The following SPOCK1 variants were observed in gnomAD, a reference collection of about 807,000 sequenced individuals.
SPOCK1 encodes SPARC (osteonectin), cwcv and kazal like domains proteoglycan 1, also known as testican-1.
In SPOCK1, 23 loss-of-function variants were observed where a neutral mutation model predicts 55.3. That is an observed-to-expected ratio of 0.42 (90% CI 0.30 to 0.59). The LOEUF (loss-of-function observed/expected upper bound fraction) is 0.59. SPOCK1 is among the 20% of genes least tolerant of loss of function. The pLI, the probability that SPOCK1 is intolerant of heterozygous loss-of-function variation, is 0.22. For missense variants in SPOCK1, 499 were observed against 552.5 expected (o/e 0.90, Z 0.97); for synonymous variants, 226 against 221.0 (o/e 1.02, Z -0.20).
chr5:137,420,851 T>C (rs1752476549), intron 2 of SPOCK1, among the ~76,000 whole-genome samples: 2 of 152,204 alleles, frequency 1.3e-5, no homozygotes, highest in South Asian at 4.1e-4. Flanking sequence ...TTTGAATGTG[T>C]TTGTTCTTGC....
At chr5:137,255,457 A>G (rs867331507) in intron 3 of SPOCK1, among the ~76,000 whole-genome samples, 3 of 152,214 alleles carry the variant, frequency 2.0e-5, no homozygotes, top group African/African-American at 4.8e-5. Context: ...CTTATACTCA[A>G]ATGTTTTTTC....
intron 2 of SPOCK1, among the ~76,000 whole-genome samples, chr5:137,321,694 T>C (rs920318187): frequency 1.3e-5 from 2 of 151,926 alleles, no homozygotes; most frequent in African/African-American, 4.8e-5. Context: ...TCCAAGATGG[T>C]GAAATCCTAT....
intron 2 of SPOCK1, among the ~76,000 whole-genome samples, chr5:137,278,256 A>G (rs1430644917): frequency 6.6e-6 from 1 of 152,178 alleles, no homozygotes; most frequent in Admixed American, 6.5e-5. Context: ...CCACTTACAC[A>G]GCAGACGCTC....
intron 2 of SPOCK1, among the ~76,000 whole-genome samples, chr5:137,380,717 G>A (rs116639820): frequency 0.017 from 2,550 of 152,134 alleles, 66 homozygotes; most frequent in African/African-American, 0.057. Context: ...AAGGAAACCC[G>A]CCCCTACAAT....
intron 6 of SPOCK1, among the ~76,000 whole-genome samples, chr5:137,034,950 G>A (rs1751853462): frequency 6.6e-6 from 1 of 152,166 alleles, no homozygotes; most frequent in African/African-American, 2.4e-5. Flanking sequence ...GTGTAGGCCT[G>A]CCCAGCCTTG....
chr5:136,985,867 T>C lies in SPOCK1; in HGVS notation c.929-665A>G, dbSNP rs77150145. ...AAATGAAAAGTGACCTCATTCATTC[T>C]TCAGAGTTTTACCATGATTTGCCTT... On this transcript the variant is annotated intron_variant, in intron 8 of 10. Transcript: ENST00000394945. Among the ~76,000 whole-genome samples, 811 of 152,318 alleles carry C rather than the reference T, an allele frequency of 5.3e-3. 5 individuals carry two copies. The highest frequency in any genetic ancestry group is 0.019 in the African/African-American group (782 of 41,556).
At chr5:137,037,732 T>C (rs1319886780) in intron 6 of SPOCK1, among the ~76,000 whole-genome samples, 1 of 152,130 alleles carries the variant, frequency 6.6e-6, no homozygotes, top group African/African-American at 2.4e-5. Flanking sequence ...TCCTGATACA[T>C]AAATACGCGT....
intron 2 of SPOCK1, among the ~76,000 whole-genome samples, chr5:137,417,635 A>T (rs1203063879): frequency 6.6e-6 from 1 of 152,146 alleles, no homozygotes; most frequent in African/African-American, 2.4e-5. Context: ...TAAAGTCTGT[A>T]CTTTTTGTAT....
intron 2 of SPOCK1, among the ~76,000 whole-genome samples, chr5:137,348,436 GC>G (rs1750606905): frequency 7.1e-6 from 1 of 140,664 alleles, no homozygotes; most frequent in Non-Finnish European, 1.5e-5. Flanking sequence ...CTTTACCAAA[GC>G]TAAACAAATT....
At position 137,277,312 on chromosome 5, in the gene SPOCK1, T is replaced by A. The variant is rs145674965; in HGVS notation, c.187-10257A>T. On this transcript the variant is annotated intron_variant, in intron 2 of 10. Coordinates refer to ENST00000394945, the MANE Select transcript of SPOCK1 (RefSeq NM_004598.4). ...TTACAGGCATGAGCTACTTTTGCAA[T>A]AATCATCTGAGACAAGCATCTCAGT... is the stretch of plus-strand genomic sequence containing the variant. Among the ~76,000 whole-genome samples the A allele has an allele frequency of 1.1e-3, 175 of 152,314 alleles. 2 individuals carry two copies. In the East Asian group the frequency reaches 0.032, roughly 28 times the overall value.
intron 2 of SPOCK1, among the ~76,000 whole-genome samples, chr5:137,327,512 G>A (rs1018553479): frequency 3.3e-5 from 5 of 152,168 alleles, no homozygotes; most frequent in Non-Finnish European, 5.9e-5. Context: ...CAGGGAAACT[G>A]AGATACCAGT....
chr5:137,432,736 TTTATG>T (rs1417310137), intron 2 of SPOCK1, among the ~76,000 whole-genome samples: 3 of 152,324 alleles, frequency 2.0e-5, no homozygotes, highest in African/African-American at 7.2e-5. Flanking sequence ...AATAGTGAAT[TTTATG>T]TTATATTTTA....
At chr5:137,130,825 G>T (rs1208806518) in intron 4 of SPOCK1, among the ~76,000 whole-genome samples, 1 of 152,148 alleles carries the variant, frequency 6.6e-6, no homozygotes, top group Non-Finnish European at 1.5e-5. Context: ...CAGCAACATT[G>T]GGTTCAATGT....
chr5:137,017,742 C>T (rs1751475249), intron 6 of SPOCK1, among the ~76,000 whole-genome samples: 1 of 152,120 alleles, frequency 6.6e-6, no homozygotes, highest in Non-Finnish European at 1.5e-5. Context: ...AAACAATTAA[C>T]AGTACCAATT....
At chr5:137,227,339 A>C (rs2127091379) in intron 3 of SPOCK1, among the ~76,000 whole-genome samples, 1 of 152,334 alleles carries the variant, frequency 6.6e-6, no homozygotes, top group South Asian at 2.1e-4. Context: ...AATCCATTTG[A>C]GGTACTACGT....
chr5:137,197,101 G>A (rs751632026), intron 3 of SPOCK1, among the ~76,000 whole-genome samples: 15 of 152,236 alleles, frequency 9.9e-5, no homozygotes, highest in Non-Finnish European at 2.2e-4. Context: ...TACACTCTTT[G>A]GATGACTGTG....
intron 2 of SPOCK1, among the ~76,000 whole-genome samples, chr5:137,430,962 A>C (rs1752731471): frequency 6.6e-6 from 1 of 152,158 alleles, no homozygotes. Context: ...CTTCTATGAA[A>C]GCTTTTGCTT....
intron 2 of SPOCK1, among the ~76,000 whole-genome samples, chr5:137,402,590 TG>T (rs1272781089): frequency 6.6e-6 from 1 of 152,200 alleles, no homozygotes; most frequent in African/African-American, 2.4e-5. Flanking sequence ...GTGTGAATGC[TG>T]GGGTTGCAAA....
chr5:136,980,207 CTG>C (rs1340815410), intron 9 of SPOCK1, among the ~76,000 whole-genome samples: 1 of 147,552 alleles, frequency 6.8e-6, no homozygotes. Context: ...AAGTGATAAA[CTG>C]GAGTTAATTT....
Sources: allele counts gnomAD v4.1 joint callset (sites outside exome capture counted in the v4.1 genomes callset), GRCh38; gene constraint gnomAD v4.1.1; transcripts MANE v1.5; gene names NCBI Gene and HGNC (gene_info 2026-07-23, HGNC 2026-07-21).